Variants in TFAP2D observed in about 807,000 individuals in gnomAD.
TFAP2D encodes transcription factor AP-2-delta.
TFAP2D carries 9 observed loss-of-function variants against 43.6 expected under a neutral mutation model. The observed-to-expected ratio is 0.21, with a 90% CI of 0.12 to 0.36. The LOEUF (loss-of-function observed/expected upper bound fraction) is 0.36, where lower values mean the gene tolerates loss of function less well. TFAP2D is among the 10% of genes least tolerant of loss of function. TFAP2D has a pLI of 1.00. For missense variants in TFAP2D, 513 were observed against 561.4 expected (o/e 0.91, Z 0.87); for synonymous variants, 256 against 224.9 (o/e 1.14, Z -1.24).
At chr6:50,734,015 T>A (rs931205698) in intron 5 of TFAP2D, among the ~76,000 whole-genome samples, 1 of 151,788 alleles carries the variant, frequency 6.6e-6, no homozygotes, top group East Asian at 1.9e-4. Flanking sequence ...TGTGTGTGTG[T>A]GTGTTTAAAC....
At chr6:50,732,430 C>T (rs994358021) in intron 5 of TFAP2D, among the ~76,000 whole-genome samples, 1 of 152,008 alleles carries the variant, frequency 6.6e-6, no homozygotes, top group Admixed American at 6.6e-5. Flanking sequence ...TGGCCCAATA[C>T]ATTACTGGGG....
chr6:50,745,695 C>T (rs760763221), intron 6 of TFAP2D, among the ~76,000 whole-genome samples: 1 of 152,034 alleles, frequency 6.6e-6, no homozygotes, highest in South Asian at 2.1e-4. Context: ...CCAGGGAGAC[C>T]TCTGGGACCA....
At chr6:50,761,156 C>T (rs1769357960) in intron 7 of TFAP2D, among the ~76,000 whole-genome samples, 1 of 150,854 alleles carries the variant, frequency 6.6e-6, no homozygotes, top group Admixed American at 6.6e-5. Context: ...TAGTAAACAC[C>T]CATTGAAATA....
In TFAP2D at chr6:50,751,248, G is replaced by A; in HGVS notation, c.1063G>A (p.Asp355Asn). 3 of 1,611,532 alleles carry A rather than the reference G, an allele frequency of 1.9e-6. No individual in the cohort carries two copies. Among genetic ancestry groups the A allele is most frequent in the Non-Finnish European group, 2.5e-6 (3 of 1,178,314 alleles). ...CKEFQDLLSQ[D>N]RSPLGSSRPT... ...AGAATTCCAAGACCTCTTGAGCCAA[G>A]ATAGATCACCACTGGGATCCTCCAG... The change falls in exon 7 of 8, where the codon GAT becomes AAT. Residue 355 changes from aspartate (D) to asparagine (N), a missense_variant. Around this residue, in one of 3 missense-constraint regions of TFAP2D, gnomAD observed 199 missense variants for 227.9 expected, o/e 0.87. Transcript: ENST00000008391.
intron 7 of TFAP2D, among the ~76,000 whole-genome samples, chr6:50,762,583 T>C (rs1412581379): frequency 6.6e-6 from 1 of 152,144 alleles, no homozygotes; most frequent in Non-Finnish European, 1.5e-5. Flanking sequence ...TTTGAGGAGA[T>C]GGTTTATGTT....
At chr6:50,744,399 A>G (rs1306985940) in intron 5 of TFAP2D, among the ~76,000 whole-genome samples, 1 of 151,488 alleles carries the variant, frequency 6.6e-6, no homozygotes, top group Non-Finnish European at 1.5e-5. Flanking sequence ...ATAGTGTTCC[A>G]TGGTATATAT....
chr6:50,723,449 CCTTT>C (rs774703570), intron 3 of TFAP2D, among the ~76,000 whole-genome samples: 14 of 152,194 alleles, frequency 9.2e-5, no homozygotes, highest in Admixed American at 2.0e-4. Flanking sequence ...TGCTCTTCTT[CCTTT>C]GTCAGTACTC....
intron 5 of TFAP2D, among the ~76,000 whole-genome samples, chr6:50,731,335 T>C (rs796755922): frequency 7.9e-5 from 12 of 151,990 alleles, no homozygotes; most frequent in African/African-American, 2.7e-4. Context: ...AAATAAATCT[T>C]TCACTATTGA....
rs1768575840 is a variant in TFAP2D at position 50,714,159 on chromosome 6, G to C, written c.39+65G>C. The C allele has an allele frequency of 3.3e-6, 5 of 1,538,142 alleles. No homozygotes were observed. In the Middle Eastern group the frequency reaches 5.6e-4, roughly 173 times the overall value. ...TGTGTGTGGCGGCGGCGGCGGTGGC[G>C]GCGGTGGCGGCGGCGGTGGCAGCCT... On this transcript the variant is annotated intron_variant, in intron 1 of 7. Transcript: ENST00000008391.
intron 3 of TFAP2D, among the ~76,000 whole-genome samples, chr6:50,724,792 A>T (rs997697968): frequency 6.8e-6 from 1 of 148,124 alleles, no homozygotes; most frequent in Non-Finnish European, 1.5e-5. Flanking sequence ...CGGCGGGGGG[A>T]CCTGTCTTGT....
At chr6:50,768,526 T>C (rs1769477877) in intron 7 of TFAP2D, among the ~76,000 whole-genome samples, 1 of 151,964 alleles carries the variant, frequency 6.6e-6, no homozygotes, top group South Asian at 2.1e-4. Context: ...TCACTGTGAA[T>C]GAGATACACA....
intron 3 of TFAP2D, among the ~76,000 whole-genome samples, chr6:50,720,897 T>C (rs1038226373): frequency 6.6e-6 from 1 of 152,178 alleles, no homozygotes; most frequent in Admixed American, 6.5e-5. Flanking sequence ...TTGACCAAGA[T>C]CACCTTCTGA....
rs1368191400 is a variant in TFAP2D, at chr6:50,772,755, A to T, written c.1250A>T (p.Asn417Ile). Residue 417 changes from asparagine to isoleucine, a missense_variant, in exon 8 of 8, where the codon AAC becomes ATC. Physicochemically the swap from Asn to Ile is moderately radical, Grantham distance 149. This residue lies in a region of TFAP2D where 199 missense variants were observed against 227.9 expected (regional missense o/e 0.87). Coordinates refer to ENST00000008391, the MANE Select transcript of TFAP2D (RefSeq NM_172238.4). The part of the protein sequence containing the change: ...NYLEKHTTHK[N>I]GGAADSGQGH... ...TTGGAAAAACACACTACTCACAAGA[A>T]CGGCGGAGCGGCGGATTCTGGCCAA... 1 of 1,614,052 alleles carries T rather than the reference A, an allele frequency of 6.2e-7. No homozygotes were observed. The highest frequency in any genetic ancestry group is 8.5e-7 in the Non-Finnish European group (1 of 1,180,026).
intron 7 of TFAP2D, among the ~76,000 whole-genome samples, chr6:50,757,676 T>C (rs1769298671): frequency 1.3e-5 from 1 of 79,430 alleles, no homozygotes; most frequent in Non-Finnish European, 2.2e-5. Flanking sequence ...AATTATTCTA[T>C]ATATATAGAA....
At chr6:50,727,351 CT>C (rs1768821852) in intron 3 of TFAP2D, among the ~76,000 whole-genome samples, 1 of 152,132 alleles carries the variant, frequency 6.6e-6, no homozygotes, top group African/African-American at 2.4e-5. Context: ...CTCCCAGGTT[CT>C]TTTGCAACCC....
chr6:50,728,785 T>C lies in TFAP2D; in HGVS notation c.599-71T>C, dbSNP rs967851466. 3 of 1,480,376 alleles carry C rather than the reference T, an allele frequency of 2.0e-6. No individual in the cohort carries two copies. In the African/African-American group the frequency reaches 4.2e-5, roughly 21 times the overall value. 91.7% of individuals were successfully genotyped at this position (1,480,376 alleles called of 1,614,324 possible). On this transcript the variant is annotated intron_variant, in intron 3 of 7. Transcript: ENST00000008391. ...TCCCAAATCCAGAATAGTCTTTTGA[T>C]GTTAACTGCCTCTCATGCAGTTAGC...
intron 5 of TFAP2D, among the ~76,000 whole-genome samples, chr6:50,729,709 T>A (rs1203054414): frequency 1.3e-5 from 2 of 152,180 alleles, no homozygotes; most frequent in African/African-American, 2.4e-5. Flanking sequence ...TAACCCTTTA[T>A]GAAGAGTTCA....
intron 6 of TFAP2D, among the ~76,000 whole-genome samples, chr6:50,749,178 T>A (rs916155766): frequency 6.6e-6 from 1 of 151,576 alleles, no homozygotes; most frequent in Admixed American, 6.6e-5. Context: ...AAGGGGGAGA[T>A]ATAATATAAT....
intron 5 of TFAP2D, among the ~76,000 whole-genome samples, chr6:50,743,094 C>T (rs1769076230): frequency 6.6e-6 from 1 of 151,884 alleles, no homozygotes; most frequent in African/African-American, 2.4e-5. Context: ...ATAGAGATCC[C>T]TTCCATTTAG....
Sources: allele counts gnomAD v4.1 joint callset (sites outside exome capture counted in the v4.1 genomes callset), GRCh38; gene constraint gnomAD v4.1.1; regional missense constraint gnomAD v4.1.1; transcripts MANE v1.5; gene names NCBI Gene and HGNC (gene_info 2026-07-23, HGNC 2026-07-21).